RAB10: variants seen among roughly 807,000 people sequenced by gnomAD.
The protein encoded by RAB10 is RAB10, member RAS oncogene family, also known as ras-related protein Rab-10.
A neutral mutation model predicts 25.7 loss-of-function variants in RAB10; 5 were observed. That is an observed-to-expected ratio of 0.19 (90% CI 0.10 to 0.41). The LOEUF (loss-of-function observed/expected upper bound fraction) is 0.41. Among genes scored for constraint, RAB10 ranks in the 10% least tolerant of loss-of-function variants. The pLI, the probability that RAB10 is intolerant of heterozygous loss-of-function variation, is 1.00. For missense variants in RAB10, 103 were observed against 245.8 expected (o/e 0.42, Z 3.89); for synonymous variants, 89 against 86.4 (o/e 1.03, Z -0.16).
At chr2:26,121,866 G>T (rs1269000157) in intron 3 of RAB10, among the ~76,000 whole-genome samples, 1 of 152,118 alleles carries the variant, frequency 6.6e-6, no homozygotes, top group Admixed American at 6.5e-5. Context: ...TGGTGAGCTC[G>T]TATGTTTCCA....
chr2:26,099,433 T>G (rs898281778), intron 2 of RAB10, among the ~76,000 whole-genome samples: 5 of 152,062 alleles, frequency 3.3e-5, no homozygotes, highest in African/African-American at 1.2e-4. Flanking sequence ...TCCTCAAGCC[T>G]CTTTGTGATC....
In RAB10 at chr2:26,105,911, A is replaced by G. The variant is rs554740132; in HGVS notation, c.189-3857A>G. Reference sequence around the variant, plus strand: ...GTTTGTAGCCTGGGAGCAATATGCTATATACCACATAGTGCAGGTATGTTG... The same window carrying G: ...GTTTGTAGCCTGGGAGCAATATGCTGTATACCACATAGTGCAGGTATGTTG... On this transcript the variant is annotated intron_variant, in intron 2 of 5. Transcript: ENST00000264710. Among the ~76,000 whole-genome samples the G allele has an allele frequency of 2.6e-5, 4 of 152,346 alleles. No individual in the cohort carries two copies. The East Asian group carries it at 5.8e-4, about 22-fold the overall frequency.
intron 1 of RAB10, among the ~76,000 whole-genome samples, chr2:26,037,483 A>G (rs752170075): frequency 6.6e-6 from 1 of 152,086 alleles, no homozygotes; most frequent in Non-Finnish European, 1.5e-5. Flanking sequence ...TACTAAAAAT[A>G]CAAAAATTAT....
intron 3 of RAB10, among the ~76,000 whole-genome samples, chr2:26,110,704 T>C (rs748633853): frequency 1.3e-5 from 2 of 152,180 alleles, no homozygotes; most frequent in Admixed American, 1.3e-4. Context: ...TGTTTTTTTT[T>C]CTGTATTTTG....
At chr2:26,085,351 G>A (rs911399792) in intron 1 of RAB10, among the ~76,000 whole-genome samples, 3 of 151,744 alleles carry the variant, frequency 2.0e-5, no homozygotes, top group Admixed American at 6.6e-5. Flanking sequence ...TTAGCTGGGT[G>A]TGGTGACGCG....
At chr2:26,060,418 G>A (rs1666370319) in intron 1 of RAB10, among the ~76,000 whole-genome samples, 2 of 151,980 alleles carry the variant, frequency 1.3e-5, no homozygotes, top group South Asian at 2.1e-4. Context: ...TCAGCCTCCC[G>A]AGTAGCTGGG....
intron 1 of RAB10, among the ~76,000 whole-genome samples, chr2:26,061,007 T>G (rs1339867906): frequency 6.7e-6 from 1 of 149,702 alleles, no homozygotes; most frequent in Non-Finnish European, 1.5e-5. Context: ...TTTCTTTATA[T>G]AAAATAACTT....
chr2:26,091,724 C>T (rs984212594), intron 1 of RAB10, among the ~76,000 whole-genome samples: 1 of 151,914 alleles, frequency 6.6e-6, no homozygotes, highest in Non-Finnish European at 1.5e-5. Context: ...CTAGGGAATG[C>T]GTCAAGATAG....
chr2:26,131,520 G>A (rs1668012943), intron 5 of RAB10, among the ~76,000 whole-genome samples: 1 of 151,930 alleles, frequency 6.6e-6, no homozygotes, highest in African/African-American at 2.4e-5. Context: ...TAAAATGAAA[G>A]CAATTTAAAA....
At chr2:26,095,387 C>G (rs991338989) in intron 1 of RAB10, among the ~76,000 whole-genome samples, 3 of 152,068 alleles carry the variant, frequency 2.0e-5, no homozygotes, top group Admixed American at 2.0e-4. Flanking sequence ...GTGGGCGGAT[C>G]ACGAGATCAG....
intron 5 of RAB10, among the ~76,000 whole-genome samples, chr2:26,129,711 A>T (rs1370952133): frequency 6.6e-6 from 1 of 152,226 alleles, no homozygotes; most frequent in East Asian, 1.9e-4. Context: ...TGGGACTAAA[A>T]AATTGGTGCC....
intron 1 of RAB10, among the ~76,000 whole-genome samples, chr2:26,040,920 G>A (rs1418727962): frequency 6.6e-6 from 1 of 152,036 alleles, no homozygotes; most frequent in East Asian, 1.9e-4. Context: ...TGTATTTATG[G>A]TCAGATTTAT....
chr2:26,045,312 T>G (rs1389887672), intron 1 of RAB10, among the ~76,000 whole-genome samples: 1 of 151,234 alleles, frequency 6.6e-6, no homozygotes, highest in African/African-American at 2.4e-5. Context: ...CAATCTCGGC[T>G]CACTGCAAGC....
chr2:26,135,054 A>G lies in RAB10; in HGVS notation c.*33A>G, dbSNP rs761417161. ...CCTGTTCCATCAGTTGCCATCCACT[A>G]CCCCGTTTTCTCTTCTTGCTGCAAA... On this transcript the variant is annotated 3_prime_UTR_variant, in exon 6 of 6. Coordinates refer to ENST00000264710, the MANE Select transcript of RAB10 (RefSeq NM_016131.5). 6.5e-7 allele frequency: 1 copy of G among 1,549,574 alleles called. No homozygotes were observed. Among genetic ancestry groups the G allele is most frequent in the South Asian group, 1.1e-5 (1 of 87,508 alleles).
In RAB10 at chr2:26,135,209, C is replaced by T; in HGVS notation, c.*188C>T. 1 of 497,184 alleles carries T rather than the reference C, an allele frequency of 2.0e-6. No individual in the cohort carries two copies. The highest frequency in any genetic ancestry group is 3.5e-6 in the Non-Finnish European group (1 of 283,122). 30.8% of individuals were successfully genotyped at this position (497,184 alleles called of 1,614,324 possible). ...TGACTTTATCATAATTTTCTTCAAA[C>T]AAAAAAATGTATAGAAAAATCATGT... On this transcript the variant is annotated 3_prime_UTR_variant, in exon 6 of 6. Coordinates refer to ENST00000264710, the MANE Select transcript of RAB10 (RefSeq NM_016131.5).
intron 5 of RAB10, among the ~76,000 whole-genome samples, chr2:26,129,493 T>C (rs959713000): frequency 1.3e-5 from 2 of 152,206 alleles, no homozygotes; most frequent in Non-Finnish European, 2.9e-5. Context: ...ACAGAGACAT[T>C]AGCTGTAGTA....
intron 1 of RAB10, among the ~76,000 whole-genome samples, chr2:26,085,342 T>C (rs1344048372): frequency 6.6e-6 from 1 of 151,478 alleles, no homozygotes; most frequent in Non-Finnish European, 1.5e-5. Context: ...TAAAAAAAAT[T>C]AGCTGGGTGT....
intron 1 of RAB10, among the ~76,000 whole-genome samples, chr2:26,091,653 G>A (rs1461353377): frequency 6.6e-6 from 1 of 152,108 alleles, no homozygotes; most frequent in Admixed American, 6.6e-5. Flanking sequence ...TGGATTTGGA[G>A]TTCAGGGGAG....
chr2:26,049,768 A>G (rs1666095311), intron 1 of RAB10, among the ~76,000 whole-genome samples: 1 of 152,174 alleles, frequency 6.6e-6, no homozygotes, highest in Non-Finnish European at 1.5e-5. Flanking sequence ...AATGGTATGC[A>G]GTGGTTACAT....
Sources: gnomAD v4.1 joint callset for allele counts (sites outside exome capture counted in the v4.1 genomes callset) on GRCh38, gnomAD v4.1.1 for gene constraint, MANE v1.5 for transcripts, NCBI Gene and HGNC (gene_info 2026-07-23, HGNC 2026-07-21) for gene names.